The following DTNA variants were observed in gnomAD, a reference collection of about 807,000 sequenced individuals.
DTNA encodes dystrophin-related protein 3.
In DTNA, 43 loss-of-function variants were observed where a neutral mutation model predicts 100.7. The ratio of observed to expected loss-of-function variants is 0.43; its 90% CI spans 0.33 to 0.55. DTNA has a LOEUF of 0.55. DTNA is among the 20% of genes least tolerant of loss of function. DTNA has a pLI of 0.04. For synonymous variants in DTNA, 349 were observed against 347.9 expected (o/e 1.00, Z -0.04); for missense variants, 798 against 953.9 (o/e 0.84, Z 2.15).
At chr18:34,801,696 A>G (rs1364962715) in intron 4 of DTNA, among the ~76,000 whole-genome samples, 1 of 151,866 alleles carries the variant, frequency 6.6e-6, no homozygotes, top group Non-Finnish European at 1.5e-5. Flanking sequence ...ATTTTAGTAG[A>G]GACGGGTTTT....
chr18:34,788,308 A>G (rs1165172218), intron 3 of DTNA, among the ~76,000 whole-genome samples: 2 of 152,232 alleles, frequency 1.3e-5, no homozygotes, highest in Non-Finnish European at 2.9e-5. Flanking sequence ...TAAATAAACA[A>G]AAGGCTTATG....
intron 10 of DTNA, chr18:34,828,990 C>A (rs750565387): frequency 6.3e-7 from 1 of 1,599,606 alleles, no homozygotes; most frequent in Non-Finnish European, 8.6e-7. Flanking sequence ...CTGCAAATAT[C>A]AAGCAGAGGT....
At chr18:34,506,509 T>C (rs1192491429) in intron 1 of DTNA, among the ~76,000 whole-genome samples, 1 of 152,198 alleles carries the variant, frequency 6.6e-6, no homozygotes, top group Non-Finnish European at 1.5e-5. Flanking sequence ...TTGGCATAGG[T>C]GTGGTGGAAC....
chr18:34,790,562 TA>T (rs1272463372), intron 3 of DTNA, among the ~76,000 whole-genome samples: 1,426 of 89,210 alleles, frequency 0.016, 24 homozygotes, highest in Non-Finnish European at 0.019. Flanking sequence ...TATATATATA[TA>T]TATATTTTTT....
intron 1 of DTNA, among the ~76,000 whole-genome samples, chr18:34,520,417 CGAGGTGGGTGGATCACCT>C (rs2042044582): frequency 6.6e-6 from 1 of 152,000 alleles, no homozygotes; most frequent in Admixed American, 6.6e-5. Flanking sequence ...TTTGAGAGGC[CGAGGTGGGTGGATCACCT>C]GAGGTCAGGA....
At chr18:34,800,398 T>A (rs567092880) in intron 4 of DTNA, among the ~76,000 whole-genome samples, 2 of 152,336 alleles carry the variant, frequency 1.3e-5, no homozygotes, top group South Asian at 4.1e-4. Flanking sequence ...CATCTGTATA[T>A]CCCCAACCTC....
Position 34,818,152 on chromosome 18 carries a change from C to T in DTNA, c.710-12C>T. 1 of 1,613,932 alleles carries T rather than the reference C, an allele frequency of 6.2e-7. No homozygotes were observed. Among genetic ancestry groups the T allele is most frequent in the Non-Finnish European group, 8.5e-7 (1 of 1,179,872 alleles). On this transcript the variant is annotated splice_polypyrimidine_tract_variant and intron_variant, in intron 7 of 22. Coordinates refer to ENST00000444659, the MANE Select transcript of DTNA (RefSeq NM_001386795.1). ...TGTTTTCTTGGTTTTTCTTCACTTA[C>T]TTCCCCCTTAGTCTTCCATCCGGTT...
chr18:34,523,987 C>T (rs758247887), intron 1 of DTNA, among the ~76,000 whole-genome samples: 80 of 150,740 alleles, frequency 5.3e-4, no homozygotes, highest in African/African-American at 9.2e-4. Context: ...GTTTTGACAA[C>T]GGTAAAGTCC....
chr18:34,632,084 T>TTTAATCCATTTAAA (rs56157327), intron 1 of DTNA, among the ~76,000 whole-genome samples: 3 of 152,224 alleles, frequency 2.0e-5, no homozygotes, highest in Admixed American at 1.3e-4. Flanking sequence ...TCTGTTTTTC[T>TTTAATCCATTTAAA]TTAATCCATT....
chr18:34,604,451 T>C (rs1316680517), intron 1 of DTNA, among the ~76,000 whole-genome samples: 1 of 152,194 alleles, frequency 6.6e-6, no homozygotes, highest in Non-Finnish European at 1.5e-5. Flanking sequence ...GAGGCTATAA[T>C]GATGTCAGCA....
At chr18:34,841,703 A>G (rs1037233903) in intron 13 of DTNA, among the ~76,000 whole-genome samples, 3 of 152,180 alleles carry the variant, frequency 2.0e-5, no homozygotes, top group African/African-American at 7.2e-5. Flanking sequence ...CCAAAGTCAC[A>G]TGCTAGTAAG....
chr18:34,776,997 A>G (rs2094091834), intron 3 of DTNA, among the ~76,000 whole-genome samples: 1 of 152,164 alleles, frequency 6.6e-6, no homozygotes, highest in Non-Finnish European at 1.5e-5. Context: ...GTCTTTCTCA[A>G]TTCTTTGCTC....
At chr18:34,670,681 G>A (rs1218084530) in intron 1 of DTNA, among the ~76,000 whole-genome samples, 2 of 152,214 alleles carry the variant, frequency 1.3e-5, no homozygotes, top group African/African-American at 4.8e-5. Context: ...GTTTGCTGGA[G>A]GTCCACTCCA....
chr18:34,796,146 T>C (rs1041670342), intron 4 of DTNA, among the ~76,000 whole-genome samples: 1 of 152,268 alleles, frequency 6.6e-6, no homozygotes, highest in Non-Finnish European at 1.5e-5. Flanking sequence ...CAAAGATTTA[T>C]AAACATATCC....
chr18:34,729,432 G>T (rs2087553850), intron 1 of DTNA, among the ~76,000 whole-genome samples: 1 of 152,122 alleles, frequency 6.6e-6, no homozygotes, highest in Non-Finnish European at 1.5e-5. Context: ...ATGGCACAGG[G>T]GCAACTAGAA....
intron 1 of DTNA, among the ~76,000 whole-genome samples, chr18:34,526,786 T>C (rs2042666254): frequency 6.6e-6 from 1 of 152,138 alleles, no homozygotes; most frequent in African/African-American, 2.4e-5. Flanking sequence ...AATTTTGATG[T>C]TTTCTCAATG....
intron 1 of DTNA, among the ~76,000 whole-genome samples, chr18:34,557,622 C>G (rs1350230595): frequency 6.6e-6 from 1 of 151,728 alleles, no homozygotes; most frequent in African/African-American, 2.4e-5. Context: ...TTGGAATACC[C>G]TGCCGTGTGA....
intron 21 of DTNA, among the ~76,000 whole-genome samples, chr18:34,882,510 G>C (rs900604918): frequency 6.6e-6 from 1 of 151,766 alleles, no homozygotes; most frequent in African/African-American, 2.4e-5. Flanking sequence ...CTGGGACTAC[G>C]GGCATGCACC....
chr18:34,876,718 ACT>A (rs2096822560), intron 18 of DTNA, among the ~76,000 whole-genome samples: 1 of 152,036 alleles, frequency 6.6e-6, no homozygotes, highest in Non-Finnish European at 1.5e-5. Flanking sequence ...AGAATGATGA[ACT>A]CTCTACTCTG....
Sources: allele counts gnomAD v4.1 joint callset (sites outside exome capture counted in the v4.1 genomes callset), GRCh38; gene constraint gnomAD v4.1.1; transcripts MANE v1.5; gene names NCBI Gene and HGNC (gene_info 2026-07-23, HGNC 2026-07-21).